The following DPF3 variants were observed in gnomAD, a reference collection of about 807,000 sequenced individuals.
DPF3 encodes the protein zinc finger protein DPF3.
Under a neutral mutation model 56.8 loss-of-function variants are expected in DPF3, and 18 were observed. The ratio of observed to expected loss-of-function variants is 0.32; its 90% CI spans 0.22 to 0.47. DPF3 has a LOEUF of 0.47. DPF3 is among the 20% of genes least tolerant of loss of function. DPF3 has a pLI of 1.00. For synonymous variants in DPF3, 188 were observed against 180.2 expected (o/e 1.04, Z -0.35); for missense variants, 403 against 488.8 (o/e 0.82, Z 1.65).
At chr14:72,800,376 A>ATGG (rs1399770584) in intron 1 of DPF3, among the ~76,000 whole-genome samples, 9 of 33,290 alleles carry the variant, frequency 2.7e-4, no homozygotes, top group African/African-American at 3.6e-4. Context: ...ATAAATAGAT[A>ATGG]AATGGATGGA....
chr14:72,701,925 C>G (rs1441413003), intron 6 of DPF3, among the ~76,000 whole-genome samples: 1 of 152,176 alleles, frequency 6.6e-6, no homozygotes, highest in Non-Finnish European at 1.5e-5. Context: ...GTCACCCAGA[C>G]CCCACCATGC....
chr14:72,841,219 C>T (rs144170318), intron 1 of DPF3, among the ~76,000 whole-genome samples: 51 of 152,302 alleles, frequency 3.3e-4, no homozygotes, highest in African/African-American at 1.1e-3. Flanking sequence ...TAAGTTCCCT[C>T]TGAGACTCAA....
chr14:72,669,929 A>G, intron 8 of DPF3: 1 of 985,960 alleles, frequency 1.0e-6, no homozygotes, highest in Non-Finnish European at 1.2e-6. Context: ...CCCACATTGC[A>G]AGACAGGTTA....
intron 8 of DPF3, among the ~76,000 whole-genome samples, chr14:72,632,178 C>T (rs1885207534): frequency 6.6e-6 from 1 of 152,140 alleles, no homozygotes; most frequent in Admixed American, 6.5e-5. Context: ...AAGTGGGTCA[C>T]ATTTTGTTTT....
chr14:72,818,240 CA>C (rs71109750), intron 1 of DPF3, among the ~76,000 whole-genome samples: 27 of 133,748 alleles, frequency 2.0e-4, no homozygotes, highest in Admixed American at 3.8e-4. Context: ...GACTCTGCCT[CA>C]AAAAAAAAAA....
intron 1 of DPF3, among the ~76,000 whole-genome samples, chr14:72,809,133 C>T (rs1253078236): frequency 6.6e-6 from 1 of 152,264 alleles, no homozygotes; most frequent in African/African-American, 2.4e-5. Context: ...TTCCCTTTGA[C>T]CTTCCCTGCC....
intron 1 of DPF3, among the ~76,000 whole-genome samples, chr14:72,814,721 G>A (rs942732763): frequency 6.6e-6 from 1 of 151,576 alleles, no homozygotes; most frequent in Non-Finnish European, 1.5e-5. Context: ...AGGCTGAGGA[G>A]AACTGCTTAA....
At chr14:72,680,025 G>A (rs1279314747) in intron 7 of DPF3, among the ~76,000 whole-genome samples, 1 of 152,170 alleles carries the variant, frequency 6.6e-6, no homozygotes, top group Non-Finnish European at 1.5e-5. Context: ...GGCTGCGGGA[G>A]GAGGGAGAGG....
At chr14:72,693,026 C>A in intron 7 of DPF3, 50 bp downstream of exon 7, 1 of 1,608,140 alleles carries the variant, frequency 6.2e-7, no homozygotes, top group Non-Finnish European at 8.5e-7. Flanking sequence ...CGCTCCCCAG[C>A]CTGTCTAACC....
chr14:72,815,774 G>A (rs61986322), intron 1 of DPF3, among the ~76,000 whole-genome samples: 43,402 of 152,020 alleles, frequency 0.29, 6,443 homozygotes, highest in Non-Finnish European at 0.31. Flanking sequence ...CAGAACGTCC[G>A]AAATCAGTCT....
chr14:72,669,867 G>A lies in DPF3; in HGVS notation c.871+4373C>T, dbSNP rs955211725. 134 of 983,896 alleles carry A rather than the reference G, an allele frequency of 1.4e-4. No individual in the cohort carries two copies. In the Middle Eastern group the frequency reaches 2.6e-3, roughly 19 times the overall value. The allele number at this position is 983,896 out of a possible 1,614,324, so 60.9% of individuals were successfully genotyped here. ...CCCAGGAAAACAAAAAAGCAAGCTG[G>A]GGGAAAAAGGAAAAAGAAAAAGAAA... On this transcript the variant is annotated intron_variant, in intron 8 of 10. Coordinates refer to ENST00000556509, the MANE Select transcript of DPF3 (RefSeq NM_001280542.3).
At chr14:72,879,661 G>A (rs1886251148) in intron 1 of DPF3, 3 of 1,034,746 alleles carry the variant, frequency 2.9e-6, no homozygotes, top group Non-Finnish European at 4.0e-6. Flanking sequence ...CTGCCCAGAG[G>A]AAACCGCCTG....
intron 1 of DPF3, among the ~76,000 whole-genome samples, chr14:72,792,076 G>A (rs1892459177): frequency 6.6e-6 from 1 of 152,222 alleles, no homozygotes; most frequent in African/African-American, 2.4e-5. Context: ...CAGGGGGCTG[G>A]AACATGCCCC....
chr14:72,665,092 A>G (rs917594515), intron 8 of DPF3, among the ~76,000 whole-genome samples: 3 of 152,216 alleles, frequency 2.0e-5, no homozygotes, highest in Non-Finnish European at 4.4e-5. Flanking sequence ...GCAACGGTCC[A>G]TCTGGAGCTC....
chr14:72,687,987 C>T (rs903700009), intron 7 of DPF3, among the ~76,000 whole-genome samples: 2 of 151,812 alleles, frequency 1.3e-5, no homozygotes, highest in East Asian at 1.9e-4. Context: ...AACTCCCTCA[C>T]GGTTCTGTAC....
chr14:72,803,517 G>A (rs1306379168), intron 1 of DPF3, among the ~76,000 whole-genome samples: 5 of 152,232 alleles, frequency 3.3e-5, no homozygotes, highest in Non-Finnish European at 4.4e-5. Flanking sequence ...ACCTAGTTCT[G>A]ATTTTTAGAT....
chr14:72,824,551 C>CTTTTTTTTTTTTTTT (rs375498304), intron 1 of DPF3, among the ~76,000 whole-genome samples: 6 of 143,250 alleles, frequency 4.2e-5, no homozygotes, highest in Non-Finnish European at 6.1e-5. Context: ...TTTTCTTTTT[C>CTTTTTTTTTTTTTTT]TTTTTTTTTT....
chr14:72,830,684 CAT>C (rs1260652385), intron 1 of DPF3, among the ~76,000 whole-genome samples: 1 of 152,214 alleles, frequency 6.6e-6, no homozygotes. Flanking sequence ...ACTTCTATAA[CAT>C]ATGTGGTATC....
chr14:72,759,459 G>A (rs57850456), intron 2 of DPF3, among the ~76,000 whole-genome samples: 9,297 of 151,998 alleles, frequency 0.061, 515 homozygotes, highest in South Asian at 0.16. Flanking sequence ...CCATAAGCCT[G>A]GGAGTTTGAG....
Sources: allele counts gnomAD v4.1 joint callset (sites outside exome capture counted in the v4.1 genomes callset), GRCh38; gene constraint gnomAD v4.1.1; transcripts MANE v1.5; gene names NCBI Gene and HGNC (gene_info 2026-07-23, HGNC 2026-07-21).